Variants in FRAS1 observed in about 807,000 individuals in gnomAD.
FRAS1 encodes Fraser extracellular matrix complex subunit 1.
FRAS1 carries 290 observed loss-of-function variants against 435.2 expected under a neutral mutation model. The observed-to-expected ratio is 0.67, with a 90% CI of 0.61 to 0.73. The LOEUF (loss-of-function observed/expected upper bound fraction) is 0.73, where lower values mean the gene tolerates loss of function less well. FRAS1 is among the 30% of genes least tolerant of loss of function. The probability of loss-of-function intolerance (pLI) is 0.00; values close to 1 mark genes in which losing one functional copy is unlikely to be tolerated. For missense variants in FRAS1, 4,860 were observed against 5,001.5 expected, an observed-to-expected ratio of 0.97 and a Z score of 0.85; for synonymous variants, 1,800 against 1,851.0, an observed-to-expected ratio of 0.97 and a Z score of 0.71.
intron 9 of FRAS1, among the ~76,000 whole-genome samples, chr4:78,278,104 C>CT (rs1162773202): frequency 6.6e-6 from 1 of 152,170 alleles, no homozygotes; most frequent in Non-Finnish European, 1.5e-5. Context: ...TGGCCATCCT[C>CT]TTATTATTTT....
chr4:78,128,808 A>T (rs1430982817), intron 2 of FRAS1, among the ~76,000 whole-genome samples: 4 of 152,168 alleles, frequency 2.6e-5, no homozygotes, highest in East Asian at 3.9e-4. Flanking sequence ...CTTTTGGTGT[A>T]TTAGACATGA....
intron 2 of FRAS1, among the ~76,000 whole-genome samples, chr4:78,156,889 A>G (rs1720911130): frequency 6.6e-6 from 1 of 152,102 alleles, no homozygotes; most frequent in Non-Finnish European, 1.5e-5. Context: ...GTGCTGTTCC[A>G]TGTCCTTTCC....
At chr4:78,193,018 A>G (rs1262175801) in intron 2 of FRAS1, among the ~76,000 whole-genome samples, 2 of 152,020 alleles carry the variant, frequency 1.3e-5, no homozygotes, top group African/African-American at 2.4e-5. Flanking sequence ...TTCTGCCTTC[A>G]TTTCGTTATG....
rs755996479 is a variant in FRAS1 at position 78,124,594 on chromosome 4, G to C, written c.108+58578G>C. Among the ~76,000 whole-genome samples the C allele has an allele frequency of 2.1e-3, 314 of 152,106 alleles. 6 individuals are homozygous for C. The highest frequency in any genetic ancestry group is 1.2e-3 in the Non-Finnish European group (84 of 68,016). ...TTTGGTAGAATTAGGCTGTGAATCT[G>C]TCTGGTCCTGGACTTTTTTTTGGTT... On this transcript the variant is annotated intron_variant, in intron 2 of 73. Coordinates refer to ENST00000512123, the MANE Select transcript of FRAS1 (RefSeq NM_025074.7).
chr4:78,429,370 C>A, intron 36 of FRAS1, 144 bp downstream of exon 36: 1 of 1,055,558 alleles, frequency 9.5e-7, no homozygotes, highest in Non-Finnish European at 1.3e-6. Flanking sequence ...TTCCTCCTGC[C>A]CATTTCTATG....
intron 73 of FRAS1, 57 bp downstream of exon 73, chr4:78,539,497 A>C: frequency 7.7e-7 from 1 of 1,297,922 alleles, no homozygotes; most frequent in Non-Finnish European, 1.1e-6. Context: ...AAGCTTGAAA[A>C]AAAAAAAAAA....
At chr4:78,473,113 A>G (rs1291284494) in intron 52 of FRAS1, among the ~76,000 whole-genome samples, 2 of 152,084 alleles carry the variant, frequency 1.3e-5, no homozygotes, top group East Asian at 3.9e-4. Context: ...TCCTCTGTCA[A>G]CTCTAGGATT....
intron 2 of FRAS1, among the ~76,000 whole-genome samples, chr4:78,092,575 C>T (rs1741588687): frequency 1.3e-5 from 2 of 152,178 alleles, no homozygotes. Context: ...AGTCATCTTG[C>T]ACCAGGTCCC....
At position 78,337,707 on chromosome 4, in the gene FRAS1, C is replaced by A; in HGVS notation, c.2312C>A (p.Pro771Gln). The change falls in exon 20 of 74, where the codon CCG (proline) becomes CAG (glutamine). Residue 771 changes from proline (P) to glutamine (Q), a missense_variant. By Grantham distance (76) the Pro-to-Gln change is moderately conservative. Coordinates refer to ENST00000512123, the MANE Select transcript of FRAS1 (RefSeq NM_025074.7). ...CCAACCTGCAGGCAGTGTCATGGGCCGTTGGAGTCTGACTGCATCTCCTGT... is the reference window on the plus strand; with the variant it reads ...CCAACCTGCAGGCAGTGTCATGGGCAGTTGGAGTCTGACTGCATCTCCTGT... ...CHPTCRQCHG[P>Q]LESDCISCYP... The A allele has an allele frequency of 6.2e-7, 1 of 1,613,908 alleles. No homozygotes were observed. Among genetic ancestry groups the A allele is most frequent in the Non-Finnish European group, 8.5e-7 (1 of 1,179,832 alleles).
chr4:78,243,598 T>C (rs2110122000), intron 3 of FRAS1, among the ~76,000 whole-genome samples: 1 of 152,136 alleles, frequency 6.6e-6, no homozygotes, highest in African/African-American at 2.4e-5. Flanking sequence ...CACCAGAAAT[T>C]CAATAGATAG....
intron 2 of FRAS1, among the ~76,000 whole-genome samples, chr4:78,095,593 C>T (rs936302517): frequency 1.3e-5 from 2 of 152,306 alleles, no homozygotes; most frequent in South Asian, 4.2e-4. Flanking sequence ...TTCCAAGTGG[C>T]TGTGGAGGAG....
At chr4:78,446,080 T>C in intron 42 of FRAS1, 1 of 1,107,910 alleles carries the variant, frequency 9.0e-7, no homozygotes, top group Non-Finnish European at 1.1e-6. Flanking sequence ...TTACTGCATT[T>C]ATTTATTTAA....
chr4:78,170,943 G>T (rs1386427029), intron 2 of FRAS1, among the ~76,000 whole-genome samples: 1 of 151,622 alleles, frequency 6.6e-6, no homozygotes, highest in Non-Finnish European at 1.5e-5. Flanking sequence ...TTGGCTTCTG[G>T]CATCCCATTC....
At chr4:78,488,072 G>A (rs2109864346) in intron 58 of FRAS1, among the ~76,000 whole-genome samples, 1 of 152,252 alleles carries the variant, frequency 6.6e-6, no homozygotes, top group African/African-American at 2.4e-5. Context: ...GGTAGAGGTT[G>A]CAGTGAGCTG....
At chr4:78,317,837 T>C (rs560395041) in intron 17 of FRAS1, among the ~76,000 whole-genome samples, 1 of 152,356 alleles carries the variant, frequency 6.6e-6, no homozygotes, top group Non-Finnish European at 1.5e-5. Context: ...GACTTCATTT[T>C]GTTTTTCCCT....
At chr4:78,343,210 G>C (rs142572599) in intron 20 of FRAS1, among the ~76,000 whole-genome samples, 1 of 152,308 alleles carries the variant, frequency 6.6e-6, no homozygotes, top group South Asian at 2.1e-4. Context: ...TTAAGATGAA[G>C]ATGGCCAAAC....
intron 2 of FRAS1, among the ~76,000 whole-genome samples, chr4:78,086,357 T>C (rs1462606053): frequency 7.2e-5 from 11 of 151,982 alleles, no homozygotes. Flanking sequence ...AACATCACAA[T>C]TAAAGGAACT....
intron 58 of FRAS1, among the ~76,000 whole-genome samples, chr4:78,486,219 G>C (rs1720163928): frequency 2.0e-5 from 3 of 152,160 alleles, no homozygotes; most frequent in Admixed American, 2.0e-4. Context: ...TTGCATTCCA[G>C]GCACTGGCGT....
At chr4:78,086,158 A>G (rs564975953) in intron 2 of FRAS1, among the ~76,000 whole-genome samples, 1 of 152,056 alleles carries the variant, frequency 6.6e-6, no homozygotes, top group African/African-American at 2.4e-5. Context: ...AACTGAACAA[A>G]CTGCTCCTGA....
Sources: allele counts gnomAD v4.1 joint callset (sites outside exome capture counted in the v4.1 genomes callset), GRCh38; gene constraint gnomAD v4.1.1; transcripts MANE v1.5; gene names NCBI Gene and HGNC (gene_info 2026-07-23, HGNC 2026-07-21).